Variants in KLHL8 observed in about 807,000 individuals in gnomAD.
KLHL8 encodes the protein kelch like family member 8.
KLHL8 carries 38 observed loss-of-function variants against 63.5 expected under a neutral mutation model. That is an observed-to-expected ratio of 0.60 (90% CI 0.46 to 0.78). KLHL8 has a LOEUF of 0.78. KLHL8 is among the 30% of genes least tolerant of loss of function. The probability of loss-of-function intolerance (pLI) is 0.00; values close to 1 mark genes in which losing one functional copy is unlikely to be tolerated. For missense variants in KLHL8, 566 were observed against 752.4 expected, an observed-to-expected ratio of 0.75 and a Z score of 2.90; for synonymous variants, 224 against 254.3, an observed-to-expected ratio of 0.88 and a Z score of 1.13.
intron 1 of KLHL8, among the ~76,000 whole-genome samples, chr4:87,231,281 T>C (rs1391268783): frequency 6.6e-6 from 1 of 152,182 alleles, no homozygotes; most frequent in Non-Finnish European, 1.5e-5. Context: ...CCTTTCTTTC[T>C]TTCTTCCCTC....
In KLHL8 at chr4:87,178,483, C is replaced by T; in HGVS notation, c.1090G>A (p.Val364Met). Residue 364 changes from valine (V) to methionine (M), a missense_variant, in exon 5 of 10, where the codon GTG becomes ATG. By Grantham distance (21) the Val-to-Met change is conservative. Coordinates refer to ENST00000273963, the MANE Select transcript of KLHL8 (RefSeq NM_020803.5). Reference protein sequence around the residue: ...SRRRHVGVISVEGKVYAVGGH... With the variant: ...SRRRHVGVISMEGKVYAVGGH... ...CAGACAAGAGTGGACCCACCTTCCA[C>T]AGAGATTACACCCACATGTCGCCTT... The T allele has an allele frequency of 6.2e-7, 1 of 1,606,162 alleles. No individual in the cohort carries two copies. The highest frequency in any genetic ancestry group is 8.5e-7 in the Non-Finnish European group (1 of 1,178,100).
chr4:87,188,574 T>C (rs1011177386), intron 2 of KLHL8, among the ~76,000 whole-genome samples: 2 of 152,232 alleles, frequency 1.3e-5, no homozygotes, highest in Non-Finnish European at 2.9e-5. Context: ...TAAATATCCA[T>C]CTTTATTTTA....
intron 1 of KLHL8, among the ~76,000 whole-genome samples, chr4:87,218,306 C>T (rs922889910): frequency 1.3e-5 from 2 of 151,022 alleles, no homozygotes; most frequent in African/African-American, 4.9e-5. Context: ...TGCGTGATCT[C>T]AGCTCACTTC....
chr4:87,223,342 T>C (rs150380220), upstream of KLHL8, among the ~76,000 whole-genome samples: 260 of 152,300 alleles, frequency 1.7e-3, 1 homozygote, highest in African/African-American at 5.7e-3. Flanking sequence ...ACTGCTCTTT[T>C]TCTTCTGCTA....
At chr4:87,197,143 T>C (rs970576457) in intron 1 of KLHL8, among the ~76,000 whole-genome samples, 1 of 152,200 alleles carries the variant, frequency 6.6e-6, no homozygotes, top group African/African-American at 2.4e-5. Flanking sequence ...TACATGACAG[T>C]GATCCTTAAT....
chr4:87,190,930 T>C (rs1731460335), intron 2 of KLHL8, among the ~76,000 whole-genome samples: 3 of 152,308 alleles, frequency 2.0e-5, no homozygotes, highest in South Asian at 2.1e-4. Flanking sequence ...TACAGATACA[T>C]GCTCAATTTG....
At chr4:87,171,980 C>T (rs1307095308) in intron 6 of KLHL8, among the ~76,000 whole-genome samples, 1 of 152,114 alleles carries the variant, frequency 6.6e-6, no homozygotes, top group East Asian at 1.9e-4. Context: ...AACTCACTGC[C>T]CACCTCGCTG....
intron 1 of KLHL8, among the ~76,000 whole-genome samples, chr4:87,201,231 A>G (rs1388218201): frequency 6.6e-6 from 1 of 152,208 alleles, no homozygotes; most frequent in African/African-American, 2.4e-5. Flanking sequence ...TGTACTGTAC[A>G]CTTGAAAATG....
chr4:87,226,931 A>T (rs1265706713), intron 1 of KLHL8, among the ~76,000 whole-genome samples: 4 of 49,660 alleles, frequency 8.1e-5, no homozygotes, highest in South Asian at 4.6e-4. Context: ...TATATATTAT[A>T]TATAAATAAT....
intron 1 of KLHL8, among the ~76,000 whole-genome samples, chr4:87,227,861 A>C (rs1271228551): frequency 6.6e-6 from 1 of 152,184 alleles, no homozygotes; most frequent in Admixed American, 6.5e-5. Context: ...ATTTAAGAGC[A>C]TACAGAGGTG....
chr4:87,176,056 G>A (rs1730806166), intron 6 of KLHL8, among the ~76,000 whole-genome samples: 1 of 152,162 alleles, frequency 6.6e-6, no homozygotes, highest in African/African-American at 2.4e-5. Context: ...GAAGCATAAG[G>A]ATGTTTGGGA....
At chr4:87,229,663 C>G (rs1733101409) in intron 1 of KLHL8, among the ~76,000 whole-genome samples, 1 of 151,654 alleles carries the variant, frequency 6.6e-6, no homozygotes, top group African/African-American at 2.4e-5. Context: ...GACTCCTAAC[C>G]TCAATTGATC....
rs763134887 is a variant in KLHL8 at position 87,176,802 on chromosome 4, G to T, written c.1163C>A (p.Pro388His). ...CTTCATCATCCATTTATTAGTGAGA[G>T]GATCAAACATCTCCATACTCCCTAA... The part of the protein sequence containing the change: ...EHLGSMEMFD[P>H]LTNKWMMKAS... Residue 388 changes from proline (P) to histidine (H), a missense_variant, in exon 6 of 10, where the codon CCT becomes CAT. Physicochemically the swap from Pro to His is moderately conservative, Grantham distance 77. Coordinates refer to ENST00000273963, the MANE Select transcript of KLHL8 (RefSeq NM_020803.5). 3.1e-6 allele frequency: 5 copies of T among 1,607,114 alleles called. No individual in the cohort carries two copies. The East Asian group carries it at 6.7e-5, about 22-fold the overall frequency.
intron 1 of KLHL8, among the ~76,000 whole-genome samples, chr4:87,227,678 G>T (rs1733059554): frequency 6.6e-6 from 1 of 152,102 alleles, no homozygotes; most frequent in Non-Finnish European, 1.5e-5. Flanking sequence ...TTTGTCTTTG[G>T]AAGTCATGTA....
intron 2 of KLHL8, among the ~76,000 whole-genome samples, chr4:87,194,446 T>C (rs1731618708): frequency 6.6e-6 from 1 of 152,152 alleles, no homozygotes; most frequent in African/African-American, 2.4e-5. Context: ...CCCAAGGCAG[T>C]AGGATCATTT....
intron 6 of KLHL8, among the ~76,000 whole-genome samples, chr4:87,171,378 G>GT (rs1414131035): frequency 9.2e-5 from 14 of 152,170 alleles, no homozygotes; most frequent in Non-Finnish European, 1.3e-4. Context: ...GTTCTATGAA[G>GT]TATTAGCTTT....
At chr4:87,233,735 G>A (rs921868935) in intron 1 of KLHL8, among the ~76,000 whole-genome samples, 4 of 151,732 alleles carry the variant, frequency 2.6e-5, no homozygotes, top group African/African-American at 9.7e-5. Flanking sequence ...TAAATCTTTG[G>A]TCTGCCTAGG....
intron 8 of KLHL8, chr4:87,167,386 G>A: frequency 2.2e-6 from 1 of 449,284 alleles, no homozygotes; most frequent in Non-Finnish European, 4.3e-6. Context: ...ATTCATCCTG[G>A]TCATGGAGAT....
At chr4:87,176,938 A>G (rs1730844800) in intron 5 of KLHL8, 70 bp from the exon 6 acceptor site, 2 of 729,792 alleles carry the variant, frequency 2.7e-6, no homozygotes, top group Non-Finnish European at 4.6e-6. Context: ...TTACATATAT[A>G]AACATTATAT....
Sources: allele counts gnomAD v4.1 joint callset (sites outside exome capture counted in the v4.1 genomes callset), GRCh38; gene constraint gnomAD v4.1.1; transcripts MANE v1.5; gene names NCBI Gene and HGNC (gene_info 2026-07-23, HGNC 2026-07-21).